Variants in PSD3 observed in about 807,000 individuals in gnomAD.
PSD3 encodes the protein pleckstrin and Sec7 domain containing 3.
Under a neutral mutation model 105.5 loss-of-function variants are expected in PSD3, and 49 were observed. The observed-to-expected ratio is 0.46, with a 90% CI of 0.37 to 0.59. The LOEUF (loss-of-function observed/expected upper bound fraction) is 0.59. PSD3 is among the 20% of genes least tolerant of loss of function. The pLI is 0.00. For missense variants in PSD3, 1,561 were observed against 1,263.8 expected, an observed-to-expected ratio of 1.24 and a Z score of -3.57; for synonymous variants, 557 against 457.8, an observed-to-expected ratio of 1.22 and a Z score of -2.77.
intron 2 of PSD3, among the ~76,000 whole-genome samples, chr8:18,877,199 G>A (rs1460144725): frequency 6.6e-6 from 1 of 152,002 alleles, no homozygotes; most frequent in Non-Finnish European, 1.5e-5. Context: ...TTTTCCTTTG[G>A]TCTCTTGTGC....
At chr8:18,636,855 C>T (rs1442390405) in intron 10 of PSD3, among the ~76,000 whole-genome samples, 1 of 152,184 alleles carries the variant, frequency 6.6e-6, no homozygotes, top group Non-Finnish European at 1.5e-5. Flanking sequence ...ATGAATTCGC[C>T]TGATGACACA....
chr8:18,646,324 A>G (rs1415685269), intron 10 of PSD3, among the ~76,000 whole-genome samples: 2 of 152,190 alleles, frequency 1.3e-5, no homozygotes, highest in African/African-American at 4.8e-5. Context: ...ACTCTGATTA[A>G]CAATTTTATA....
chr8:18,972,893 G>T (rs975805966), intron 1 of PSD3, among the ~76,000 whole-genome samples: 1 of 152,232 alleles, frequency 6.6e-6, no homozygotes, highest in Non-Finnish European at 1.5e-5. Flanking sequence ...GGGCAAGTAG[G>T]TAGGCTGGCT....
At chr8:18,955,380 A>AT (rs1329757281) in intron 1 of PSD3, among the ~76,000 whole-genome samples, 1 of 152,202 alleles carries the variant, frequency 6.6e-6, no homozygotes, top group African/African-American at 2.4e-5. Context: ...AGCTGGGACT[A>AT]TAGGCACACC....
chr8:18,734,065 G>A (rs1017726681), intron 9 of PSD3: 1 of 152,142 alleles, frequency 6.6e-6, no homozygotes, highest in African/African-American at 2.4e-5. Context: ...TAAGGTGCTA[G>A]AAAAATAATT....
rs550516580 is a variant in PSD3, at chr8:19,044,768, G to T, written c.324+39438C>A. On this transcript the variant is annotated intron_variant, in intron 1 of 1. Transcript: ENST00000521475. ...GAACTTTGCTCAGTGGTACCATAAA[G>T]CCTTACAGAAGAGATTCTTCAAGGA... Among the ~76,000 whole-genome samples the T allele has an allele frequency of 1.9e-3, 295 of 152,178 alleles. 1 individual carries two copies. Among genetic ancestry groups the T allele is most frequent in the African/African-American group, 6.9e-3 (286 of 41,440 alleles).
At chr8:18,787,442 G>C (rs1474958838) in intron 8 of PSD3, among the ~76,000 whole-genome samples, 2 of 151,826 alleles carry the variant, frequency 1.3e-5, no homozygotes, top group Non-Finnish European at 2.9e-5. Context: ...AAAATCAGTA[G>C]GCATTTTAAT....
At chr8:18,634,217 A>T (rs998400111) in intron 10 of PSD3, among the ~76,000 whole-genome samples, 4 of 152,092 alleles carry the variant, frequency 2.6e-5, no homozygotes, top group Non-Finnish European at 4.4e-5. Context: ...ATATATCACA[A>T]AACCAGAAGT....
intron 9 of PSD3, among the ~76,000 whole-genome samples, chr8:18,680,446 C>A (rs1800317657): frequency 6.6e-6 from 1 of 152,180 alleles, no homozygotes; most frequent in African/African-American, 2.4e-5. Flanking sequence ...GTCTGCACTG[C>A]CCCCTCATGG....
intron 4 of PSD3, among the ~76,000 whole-genome samples, chr8:18,827,778 GA>G (rs1233298104): frequency 6.6e-6 from 1 of 151,660 alleles, no homozygotes. Flanking sequence ...GGTTGAATTT[GA>G]GGCCAATTAT....
chr8:18,855,315 C>G (rs1346398227), intron 4 of PSD3, among the ~76,000 whole-genome samples: 1 of 152,060 alleles, frequency 6.6e-6, no homozygotes, highest in Non-Finnish European at 1.5e-5. Flanking sequence ...TAAATATATA[C>G]CCAGACTAGA....
At chr8:18,695,472 T>G (rs1023267852) in intron 9 of PSD3, among the ~76,000 whole-genome samples, 4 of 152,236 alleles carry the variant, frequency 2.6e-5, no homozygotes, top group Admixed American at 6.5e-5. Context: ...CCCTGAAGGA[T>G]TCCATAGAAC....
At chr8:18,939,532 G>A (rs1019561391) in intron 1 of PSD3, among the ~76,000 whole-genome samples, 1 of 144,158 alleles carries the variant, frequency 6.9e-6, no homozygotes, top group African/African-American at 2.6e-5. Flanking sequence ...TTTTTTTTTA[G>A]AGATGGGATC....
chr8:18,574,318 A>G (rs772773235), intron 13 of PSD3, among the ~76,000 whole-genome samples: 4 of 152,136 alleles, frequency 2.6e-5, no homozygotes, highest in African/African-American at 7.2e-5. Context: ...TTTTGCATCA[A>G]TTCTGTCCAA....
chr8:19,058,227 T>A (rs777581102), intron 1 of PSD3, among the ~76,000 whole-genome samples: 16 of 152,078 alleles, frequency 1.1e-4, no homozygotes, highest in Non-Finnish European at 1.8e-4. Flanking sequence ...GTTTTGATAT[T>A]CTTGAAAGCA....
At chr8:19,075,054 T>A (rs1829421968) in intron 1 of PSD3, among the ~76,000 whole-genome samples, 1 of 151,732 alleles carries the variant, frequency 6.6e-6, no homozygotes, top group Admixed American at 6.6e-5. Flanking sequence ...CAAGCAACTT[T>A]CCTGCCTCGG....
chr8:18,690,827 C>T (rs1405403055), intron 9 of PSD3, among the ~76,000 whole-genome samples: 3 of 152,190 alleles, frequency 2.0e-5, no homozygotes, highest in Non-Finnish European at 4.4e-5. Context: ...CTTGATTTCC[C>T]CTGCCCCTTC....
chr8:18,967,034 T>G (rs574513235), intron 1 of PSD3, among the ~76,000 whole-genome samples: 1 of 152,284 alleles, frequency 6.6e-6, no homozygotes, highest in South Asian at 2.1e-4. Context: ...GCTTGCCTGG[T>G]CCAAACCATT....
chr8:18,946,540 C>T (rs983688093), intron 1 of PSD3, among the ~76,000 whole-genome samples: 8 of 150,536 alleles, frequency 5.3e-5, no homozygotes, highest in African/African-American at 1.7e-4. Context: ...ATGATTGTGC[C>T]ACTGCACTCC....
Sources: allele counts gnomAD v4.1 joint callset (sites outside exome capture counted in the v4.1 genomes callset), GRCh38; gene constraint gnomAD v4.1.1; transcripts MANE v1.5; gene names NCBI Gene and HGNC (gene_info 2026-07-23, HGNC 2026-07-21).